ACTN4: variants seen among roughly 807,000 people sequenced by gnomAD.
The protein encoded by ACTN4 is actinin alpha 4.
ACTN4 carries 18 observed loss-of-function variants against 114.2 expected under a neutral mutation model. That is an observed-to-expected ratio of 0.16 (90% CI 0.11 to 0.23). The LOEUF is 0.23. Among genes scored for constraint, ACTN4 ranks in the 10% least tolerant of loss-of-function variants. The pLI, the probability that ACTN4 is intolerant of heterozygous loss-of-function variation, is 1.00. For missense variants in ACTN4, 722 were observed against 1,262.9 expected (o/e 0.57, Z 6.49); for synonymous variants, 515 against 506.3 (o/e 1.02, Z -0.23).
chr19:38,671,028 C>T (rs1967112025), intron 1 of ACTN4, among the ~76,000 whole-genome samples: 1 of 152,058 alleles, frequency 6.6e-6, no homozygotes, highest in South Asian at 2.1e-4. Context: ...CCTGTCTCTG[C>T]CTCTCCTCTA....
rs1976421462 is a variant in ACTN4 at position 38,647,668 on chromosome 19, T to C, written c.-78T>C. ...CGGGCTGAAGCAGCTGAAGCGGCGG[T>C]AGCGGCGGCGGCTCGGGCAGAGGGG... On this transcript the variant is annotated 5_prime_UTR_variant, in exon 1 of 21. Transcript: ENST00000252699. 2.0e-6 allele frequency: 3 copies of C among 1,474,238 alleles called. No individual in the cohort carries two copies. 91.3% of individuals were successfully genotyped at this position (1,474,238 alleles called of 1,614,324 possible). A position where few individuals can be genotyped will look rare whatever the true frequency, so the allele number is the denominator to read the frequency against.
At chr19:38,692,610 T>C (rs1967966316) in intron 1 of ACTN4, among the ~76,000 whole-genome samples, 1 of 152,194 alleles carries the variant, frequency 6.6e-6, no homozygotes, top group Non-Finnish European at 1.5e-5. Context: ...TAGTTGGTGA[T>C]GAAGCCCATG....
chr19:38,718,081 C>A lies in ACTN4; in HGVS notation c.1291+7C>A, dbSNP rs745861958. ...CACGAGGCCTGGACTGACGGTACGGCCCAGCTCTGCCCCACTCTGCCCAGC... is the reference window on the plus strand; with the variant it reads ...CACGAGGCCTGGACTGACGGTACGGACCAGCTCTGCCCCACTCTGCCCAGC... On this transcript the variant is annotated splice_region_variant and intron_variant, in intron 11 of 20. Coordinates refer to ENST00000252699, the MANE Select transcript of ACTN4 (RefSeq NM_004924.6). 3.7e-5 allele frequency: 60 copies of A among 1,602,232 alleles called. No homozygotes were observed. The highest frequency in any genetic ancestry group is 7.7e-6 in the Non-Finnish European group (9 of 1,174,400).
intron 17 of ACTN4, among the ~76,000 whole-genome samples, 168 bp downstream of exon 17, chr19:38,726,071 T>G (rs1418187986): frequency 6.6e-6 from 1 of 152,184 alleles, no homozygotes; most frequent in African/African-American, 2.4e-5. Flanking sequence ...GAGGATGGCT[T>G]GAGCCCAGGA....
Position 38,673,570 on chromosome 19 carries a change from T to TATAA in ACTN4, c.162+25666_162+25667insAATA, listed in dbSNP as rs1363000482. On this transcript the variant is annotated intron_variant, in intron 1 of 20. Coordinates refer to ENST00000252699, the MANE Select transcript of ACTN4 (RefSeq NM_004924.6). ...ATTTATATATACTTATATATATTTA[T>TATAA]ATATATTCATATATATTTATATATA... 5.1e-5 allele frequency among the ~76,000 whole-genome samples: 6 copies of TATAA among 117,012 alleles called. No homozygotes were observed. In the South Asian group the frequency reaches 6.8e-4, roughly 13 times the overall value. The allele number at this position is 117,012 out of a possible 152,430, so 76.8% of individuals were successfully genotyped here.
At chr19:38,652,015 T>A (rs1599755086) in intron 1 of ACTN4, among the ~76,000 whole-genome samples, 1 of 152,156 alleles carries the variant, frequency 6.6e-6, no homozygotes. Context: ...ATTACAGGCG[T>A]GAGCCACTGT....
Position 38,730,880 on chromosome 19 carries a change from T to TAAGGAAGAG in ACTN4, c.*1457_*1465dup, listed in dbSNP as rs911096944. 1.9e-6 allele frequency: 3 copies of TAAGGAAGAG among 1,551,488 alleles called. No individual in the cohort carries two copies. Among genetic ancestry groups the TAAGGAAGAG allele is most frequent in the African/African-American group, 2.7e-5 (2 of 73,062 alleles). ...GGAGAAGGTGGCCACCTCCATCCACTAAGGAAGAGAAGGAAGACAGTGGCT... is the reference window on the plus strand; with the variant it reads ...GGAGAAGGTGGCCACCTCCATCCACTAAGGAAGAGAAGGAAGAGAAGGAAGACAGTGGCT... On this transcript the variant is annotated 3_prime_UTR_variant, in exon 21 of 21. Transcript: ENST00000252699.
intron 1 of ACTN4, among the ~76,000 whole-genome samples, chr19:38,673,400 C>T (rs1905204292): frequency 7.1e-6 from 1 of 139,926 alleles, no homozygotes; most frequent in South Asian, 2.2e-4. Flanking sequence ...CAATGAAAAC[C>T]CAAGACATAC....
At chr19:38,721,855 G>A (rs936396463) in intron 12 of ACTN4, 167 bp downstream of exon 12, 32 of 1,010,398 alleles carry the variant, frequency 3.2e-5, no homozygotes, top group Non-Finnish European at 4.5e-5. Context: ...TATGGGATGA[G>A]GCCTTTTGCC....
chr19:38,663,667 T>A (rs1431848939), intron 1 of ACTN4, among the ~76,000 whole-genome samples: 1 of 152,174 alleles, frequency 6.6e-6, no homozygotes, highest in Non-Finnish European at 1.5e-5. Flanking sequence ...AGCTGCCTCT[T>A]TGGAGTAGCG....
rs2368475 is a variant in ACTN4 at position 38,705,095 on chromosome 19, C to T, written c.484+75C>T. On this transcript the variant is annotated intron_variant, in intron 4 of 20. Coordinates refer to ENST00000252699, the MANE Select transcript of ACTN4 (RefSeq NM_004924.6). The stretch of plus-strand genomic sequence containing the variant: ...TAGAGGAGAGCTGAAGTGTGATCTT[C>T]ATGCTTCAAGCCTCTTCCTGTTTCC... 37,317 of 1,358,192 alleles carry T rather than the reference C, an allele frequency of 0.027. 906 individuals are homozygous for T. Among genetic ancestry groups the T allele is most frequent in the Admixed American group, 0.11 (6,272 of 58,840 alleles). 84.1% of individuals were successfully genotyped at this position (1,358,192 alleles called of 1,614,324 possible).
rs774420400 is a variant in ACTN4 at position 38,724,389 on chromosome 19, G to A, written c.1876-42G>A. 6 of 1,611,604 alleles carry A rather than the reference G, an allele frequency of 3.7e-6. No homozygotes were observed. Among genetic ancestry groups the A allele is most frequent in the Non-Finnish European group, 5.1e-6 (6 of 1,179,330 alleles). On this transcript the variant is annotated intron_variant, in intron 15 of 20. Transcript: ENST00000252699. The surrounding 1 kb of genome is among the most constrained non-coding windows in gnomAD (Gnocchi z 7.0). Reference sequence around the variant, plus strand: ...CTGGGGCAGGACGGCGGGGCTGGGGGCCACCTCCCTGACCGCTCCCACACC... The same window carrying A: ...CTGGGGCAGGACGGCGGGGCTGGGGACCACCTCCCTGACCGCTCCCACACC...
intron 1 of ACTN4, among the ~76,000 whole-genome samples, chr19:38,673,293 A>G (rs1008796375): frequency 1.3e-5 from 2 of 151,212 alleles, no homozygotes; most frequent in Admixed American, 6.6e-5. Context: ...GCCGTAAACA[A>G]GGTGCTGAGT....
intron 1 of ACTN4, among the ~76,000 whole-genome samples, chr19:38,659,681 G>T (rs1443823584): frequency 2.0e-5 from 3 of 152,136 alleles, no homozygotes; most frequent in Non-Finnish European, 4.4e-5. Context: ...GGGGCCACAG[G>T]GTTAGCTTAG....
intron 1 of ACTN4, among the ~76,000 whole-genome samples, chr19:38,699,506 G>A (rs1968199092): frequency 6.6e-6 from 1 of 152,180 alleles, no homozygotes; most frequent in Non-Finnish European, 1.5e-5. Flanking sequence ...TGTAATCCCA[G>A]CAGTTTGGGA....
chr19:38,728,879 A>C, intron 19 of ACTN4, 117 bp from the exon 20 acceptor site: 5 of 1,307,426 alleles, frequency 3.8e-6, no homozygotes, highest in Non-Finnish European at 4.4e-6. Flanking sequence ...GGGCGCACGC[A>C]CACGTGGGTT....
At chr19:38,655,300 C>T (rs1976681617) in intron 1 of ACTN4, among the ~76,000 whole-genome samples, 1 of 152,032 alleles carries the variant, frequency 6.6e-6, no homozygotes, top group African/African-American at 2.4e-5. Flanking sequence ...GGCTGAAGGC[C>T]CCCCAGGCTT....
At chr19:38,687,983 A>G (rs1012564171) in intron 1 of ACTN4, among the ~76,000 whole-genome samples, 2 of 137,542 alleles carry the variant, frequency 1.5e-5, no homozygotes, top group Admixed American at 1.5e-4. Context: ...AAGATCTACA[A>G]ATGGTCAATA....
intron 1 of ACTN4, among the ~76,000 whole-genome samples, chr19:38,666,736 G>A (rs141617865): frequency 3.5e-4 from 53 of 152,272 alleles, no homozygotes; most frequent in Non-Finnish European, 6.5e-4. Flanking sequence ...CTTAGAGTGG[G>A]GCCCCCAGAA....
Sources: gnomAD v4.1 joint callset for allele counts (sites outside exome capture counted in the v4.1 genomes callset) on GRCh38, gnomAD v4.1.1 for gene constraint, Gnocchi (gnomAD v3.1) non-coding constraint, MANE v1.5 for transcripts, NCBI Gene and HGNC (gene_info 2026-07-23, HGNC 2026-07-21) for gene names.